The following GALNT17 variants were observed in gnomAD, a reference collection of about 807,000 sequenced individuals.
GALNT17 encodes the protein UDP-GalNAc:polypeptide N-acetylgalactosaminyltransferase-like 3.
In GALNT17, 29 loss-of-function variants were observed where a neutral mutation model predicts 63.7. That is an observed-to-expected ratio of 0.46 (90% confidence interval 0.34 to 0.62). The LOEUF (loss-of-function observed/expected upper bound fraction) is 0.62, where lower values mean the gene tolerates loss of function less well. Among genes scored for constraint, GALNT17 ranks in the 20% least tolerant of loss-of-function variants. GALNT17 has a pLI of 0.01. For synonymous variants in GALNT17, 305 were observed against 318.3 expected, an observed-to-expected ratio of 0.96 and a Z score of 0.45; for missense variants, 603 against 799.6, an observed-to-expected ratio of 0.75 and a Z score of 2.97.
At chr7:71,340,076 T>G (rs1791982008) in intron 2 of GALNT17, among the ~76,000 whole-genome samples, 1 of 152,100 alleles carries the variant, frequency 6.6e-6, no homozygotes, top group Non-Finnish European at 1.5e-5. Context: ...TGGGGGTTTG[T>G]AAGAGCAGAA....
chr7:71,196,290 AC>A (rs1490274037), intron 1 of GALNT17, among the ~76,000 whole-genome samples: 1 of 152,060 alleles, frequency 6.6e-6, no homozygotes, highest in African/African-American at 2.4e-5. Context: ...GGCACCTGCC[AC>A]CATGCCTGGG....
intron 6 of GALNT17, among the ~76,000 whole-genome samples, chr7:71,633,382 AG>A (rs1194396780): frequency 2.6e-4 from 40 of 152,302 alleles, no homozygotes; most frequent in African/African-American, 9.6e-4. Flanking sequence ...GCAAAGGGGC[AG>A]ACTGAGGCTA....
intron 5 of GALNT17, among the ~76,000 whole-genome samples, chr7:71,477,762 A>G (rs934835644): frequency 8.5e-5 from 13 of 152,190 alleles, no homozygotes; most frequent in African/African-American, 2.4e-4. Context: ...AAATTAACAG[A>G]TGTGGTCACT....
intron 1 of GALNT17, among the ~76,000 whole-genome samples, chr7:71,167,471 T>C (rs919124805): frequency 6.6e-6 from 1 of 152,102 alleles, no homozygotes; most frequent in East Asian, 1.9e-4. Context: ...GTTTTGAGAG[T>C]TCTTTATGTA....
chr7:71,355,291 T>G (rs1248478243), intron 2 of GALNT17, among the ~76,000 whole-genome samples: 1 of 152,184 alleles, frequency 6.6e-6, no homozygotes. Flanking sequence ...GAAATGTAAT[T>G]CAAGTATTTT....
chr7:71,344,835 G>A (rs1792062234), intron 2 of GALNT17, among the ~76,000 whole-genome samples: 1 of 152,292 alleles, frequency 6.6e-6, no homozygotes, highest in South Asian at 2.1e-4. Context: ...AAATCCTAGA[G>A]AGAATTAGTA....
At chr7:71,602,226 A>C (rs1357878425) in intron 6 of GALNT17, among the ~76,000 whole-genome samples, 1 of 152,242 alleles carries the variant, frequency 6.6e-6, no homozygotes, top group Non-Finnish European at 1.5e-5. Context: ...TCATCTACAA[A>C]GAGAAATGAT....
chr7:71,709,019 C>T (rs1450646699), intron 9 of GALNT17, among the ~76,000 whole-genome samples: 1 of 152,122 alleles, frequency 6.6e-6, no homozygotes, highest in Non-Finnish European at 1.5e-5. Context: ...CTGCAATGAA[C>T]GTGTAAGTGC....
At chr7:71,322,723 C>T (rs1481559756) in intron 1 of GALNT17, among the ~76,000 whole-genome samples, 1 of 152,126 alleles carries the variant, frequency 6.6e-6, no homozygotes, top group Non-Finnish European at 1.5e-5. Context: ...AGGTGAAACT[C>T]TTATAATGGG....
At chr7:71,433,257 C>T (rs1463102275) in intron 5 of GALNT17, among the ~76,000 whole-genome samples, 1 of 152,168 alleles carries the variant, frequency 6.6e-6, no homozygotes, top group African/African-American at 2.4e-5. Context: ...AGACTCACCC[C>T]ACTAGTCTGG....
chr7:71,436,754 A>G (rs1421525868), intron 5 of GALNT17, among the ~76,000 whole-genome samples: 1 of 152,098 alleles, frequency 6.6e-6, no homozygotes, highest in African/African-American at 2.4e-5. Context: ...AAATAAATGT[A>G]TCCATGTTTC....
chr7:71,141,385 A>G (rs1226031666), intron 1 of GALNT17, among the ~76,000 whole-genome samples: 1 of 151,404 alleles, frequency 6.6e-6, no homozygotes, highest in Admixed American at 6.6e-5. Flanking sequence ...AAAAAAAAAG[A>G]AAAGAAAAAA....
At chr7:71,284,890 T>C (rs1171718521) in intron 1 of GALNT17, among the ~76,000 whole-genome samples, 1 of 152,118 alleles carries the variant, frequency 6.6e-6, no homozygotes, top group Non-Finnish European at 1.5e-5. Context: ...GAGCTTTTTT[T>C]TTTTTCTTCC....
intron 9 of GALNT17, among the ~76,000 whole-genome samples, chr7:71,692,867 T>C (rs972291913): frequency 2.6e-5 from 4 of 151,260 alleles, no homozygotes; most frequent in African/African-American, 9.7e-5. Context: ...GCCTCCAGAG[T>C]AACTGGGATT....
chr7:71,428,186 T>C (rs977623184), intron 5 of GALNT17, among the ~76,000 whole-genome samples: 2 of 152,188 alleles, frequency 1.3e-5, no homozygotes, highest in East Asian at 1.9e-4. Flanking sequence ...ATCTCCACGA[T>C]CTACTTCCAG....
At chr7:71,489,830 A>G (rs774026076) in intron 5 of GALNT17, among the ~76,000 whole-genome samples, 4 of 152,218 alleles carry the variant, frequency 2.6e-5, no homozygotes, top group Non-Finnish European at 4.4e-5. Flanking sequence ...CAGGGCCTCA[A>G]TCTCCTGTAT....
intron 1 of GALNT17, among the ~76,000 whole-genome samples, chr7:71,314,255 C>CTG (rs148641128): frequency 8.4e-4 from 126 of 150,416 alleles, no homozygotes; most frequent in African/African-American, 2.4e-3. Flanking sequence ...GAGTGTGTGT[C>CTG]TGTGTGTGTG....
At chr7:71,594,532 C>T (rs1054152851) in intron 6 of GALNT17, among the ~76,000 whole-genome samples, 4 of 152,002 alleles carry the variant, frequency 2.6e-5, no homozygotes, top group East Asian at 1.9e-4. Flanking sequence ...TCAAGTGATC[C>T]GCCCACCTCA....
Position 71,316,224 on chromosome 7 carries a change from TG to T in GALNT17, c.239-19323del, listed in dbSNP as rs1395650741. Among the ~76,000 whole-genome samples the T allele has an allele frequency of 9.2e-3, 1,232 of 133,450 alleles. 21 individuals carry two copies. Among genetic ancestry groups the T allele is most frequent in the African/African-American group, 0.036 (1,165 of 32,260 alleles). 87.5% of individuals were successfully genotyped at this position (133,450 alleles called of 152,430 possible). A position where few individuals can be genotyped will look rare whatever the true frequency, so the allele number is the denominator to read the frequency against. On this transcript the variant is annotated intron_variant, in intron 1 of 10. Transcript: ENST00000333538. ...TGGGTCTGATCAGGATCCTGATCTG[TG>T]GGTCTGATCAGGATCCTGATCTGTG...
Sources: allele counts gnomAD v4.1 joint callset (sites outside exome capture counted in the v4.1 genomes callset), GRCh38; gene constraint gnomAD v4.1.1; transcripts MANE v1.5; gene names NCBI Gene and HGNC (gene_info 2026-07-23, HGNC 2026-07-21).